ADD1: variants seen among roughly 807,000 people sequenced by gnomAD.
ADD1 encodes the protein alpha-adducin.
Under a neutral mutation model 80.5 loss-of-function variants are expected in ADD1, and 24 were observed. The ratio of observed to expected loss-of-function variants is 0.30; its 90% CI spans 0.22 to 0.42. ADD1 has a LOEUF of 0.42. Among genes scored for constraint, ADD1 ranks in the 10% least tolerant of loss-of-function variants. The probability of loss-of-function intolerance (pLI) is 1.00; values close to 1 mark genes in which losing one functional copy is unlikely to be tolerated. For synonymous variants in ADD1, 373 were observed against 393.8 expected, an observed-to-expected ratio of 0.95 and a Z score of 0.63; for missense variants, 948 against 1,019.0, an observed-to-expected ratio of 0.93 and a Z score of 0.95.
chr4:2,863,223 T>TAA (rs1729067313), intron 1 of ADD1, among the ~76,000 whole-genome samples: 1 of 141,610 alleles, frequency 7.1e-6, no homozygotes, highest in East Asian at 2.0e-4. Flanking sequence ...TTTTTAATTT[T>TAA]TTTTTTTTTT....
At chr4:2,888,395 A>G (rs1318020103) in intron 4 of ADD1, among the ~76,000 whole-genome samples, 1 of 140,000 alleles carries the variant, frequency 7.1e-6, no homozygotes, top group African/African-American at 2.7e-5. Flanking sequence ...TATTTGTAAT[A>G]ATGAAATTAT....
At chr4:2,871,117 C>T (rs933770076) in intron 1 of ADD1, among the ~76,000 whole-genome samples, 10 of 151,870 alleles carry the variant, frequency 6.6e-5, no homozygotes, top group East Asian at 5.8e-4. Context: ...TACAGGTGCG[C>T]GCCACCACAC....
Position 2,894,675 on chromosome 4 carries a change from G to T in ADD1, c.685G>T (p.Ala229Ser). Residue 229 changes from alanine (A) to serine (S), a missense_variant, in exon 6 of 16, where the codon GCT becomes TCT. Physicochemically the swap from Ala to Ser is moderately conservative, Grantham distance 99 (BLOSUM62 1). Transcript: ENST00000683351. The part of the protein sequence containing the change: ...AGFTLHSAIY[A>S]ARPDVKCVVH... ...CTTCACCTTACACTCTGCAATTTAT[G>T]CTGCACGCCCGGACGTGAAGTGCGT... The T allele has an allele frequency of 6.2e-7, 1 of 1,603,664 alleles. No homozygotes were observed. The highest frequency in any genetic ancestry group is 8.5e-7 in the Non-Finnish European group (1 of 1,177,262).
At chr4:2,854,797 T>G (rs1199037631) in intron 1 of ADD1, 2 of 152,214 alleles carry the variant, frequency 1.3e-5, no homozygotes, top group African/African-American at 2.4e-5. Flanking sequence ...TTGTGGCTCC[T>G]GTAACAAGTT....
rs1388665237 is a variant in ADD1, at chr4:2,897,540, CCTTT to C, written c.742-643_742-640del. Reference sequence around the variant, plus strand: ...CTTTAGAGCACTTGGAAAACCTCCTCCTTTTTTTTTTTTTTTTTTTTTTTTAGGA... The same window carrying C: ...CTTTAGAGCACTTGGAAAACCTCCTCTTTTTTTTTTTTTTTTTTTTTAGGA... On this transcript the variant is annotated intron_variant, in intron 6 of 15. Coordinates refer to ENST00000683351, the MANE Select transcript of ADD1 (RefSeq NM_001354761.2). Among the ~76,000 whole-genome samples the C allele has an allele frequency of 6.3e-5, 8 of 126,390 alleles. No individual in the cohort carries two copies. The South Asian group carries it at 1.9e-3, about 30-fold the overall frequency. The allele number at this position is 126,390 out of a possible 152,430, so 82.9% of individuals were successfully genotyped here.
At chr4:2,911,448 A>ATATAT (rs553567632) in intron 13 of ADD1, among the ~76,000 whole-genome samples, 4 of 130,518 alleles carry the variant, frequency 3.1e-5, no homozygotes, top group South Asian at 2.4e-4. Flanking sequence ...ATATATATAT[A>ATATAT]TTTTTTTTTT....
intron 9 of ADD1, chr4:2,902,858 C>A (rs1305158163): frequency 6.6e-6 from 1 of 151,662 alleles, no homozygotes; most frequent in Non-Finnish European, 1.5e-5. Flanking sequence ...AACTCCGTCT[C>A]TACTAAAAAT....
intron 1 of ADD1, among the ~76,000 whole-genome samples, chr4:2,852,198 C>CTTTTT (rs1491325452): frequency 3.9e-5 from 3 of 76,586 alleles, no homozygotes; most frequent in Admixed American, 1.3e-4. Flanking sequence ...TTCTTTCTTT[C>CTTTTT]CTTTCTTTCC....
intron 9 of ADD1, chr4:2,902,567 C>G (rs957932400): frequency 6.6e-6 from 1 of 151,946 alleles, no homozygotes; most frequent in East Asian, 1.9e-4. Flanking sequence ...GGTGAAACCC[C>G]TTCTCTACAA....
At chr4:2,917,882 A>G (rs567139951) in intron 14 of ADD1, among the ~76,000 whole-genome samples, 31 of 152,188 alleles carry the variant, frequency 2.0e-4, no homozygotes, top group South Asian at 4.2e-4. Context: ...GTTGGTCTCT[A>G]TATCTGTTTT....
At chr4:2,920,493 C>G (rs1739819376) in intron 14 of ADD1, among the ~76,000 whole-genome samples, 1 of 152,102 alleles carries the variant, frequency 6.6e-6, no homozygotes, top group Admixed American at 6.5e-5. Context: ...TAAGAACTTG[C>G]TTTATGAATC....
Position 2,926,273 on chromosome 4 carries a change from G to T in ADD1, c.2047+161G>T. Reference sequence around the variant, plus strand: ...TCTCCTCCTATATTGCTTCTGTCCTGGGTAACTCCAGGCAAAACAGATTTG... The same window carrying T: ...TCTCCTCCTATATTGCTTCTGTCCTTGGTAACTCCAGGCAAAACAGATTTG... On this transcript the variant is annotated intron_variant, in intron 15 of 15. Coordinates refer to ENST00000683351, the MANE Select transcript of ADD1 (RefSeq NM_001354761.2). The surrounding 1 kb of genome is among the most constrained non-coding windows in gnomAD (Gnocchi z 5.0). 1.3e-6 allele frequency: 1 copy of T among 762,634 alleles called. No homozygotes were observed. Among genetic ancestry groups the T allele is most frequent in the South Asian group, 1.5e-5 (1 of 67,980 alleles). 47.2% of individuals were successfully genotyped at this position (762,634 alleles called of 1,614,324 possible).
chr4:2,860,050 T>G (rs1014172685), intron 1 of ADD1, among the ~76,000 whole-genome samples: 2 of 152,178 alleles, frequency 1.3e-5, no homozygotes, highest in African/African-American at 4.8e-5. Flanking sequence ...TTTTCTATAC[T>G]GATGTGTCTG....
chr4:2,904,556 C>T (rs974465966), intron 9 of ADD1: 54 of 591,694 alleles, frequency 9.1e-5, no homozygotes, highest in Non-Finnish European at 1.3e-4. Flanking sequence ...TTGTGGTTTA[C>T]GAGGAGTAGG....
chr4:2,848,563 G>A (rs528634200), intron 1 of ADD1, among the ~76,000 whole-genome samples: 38 of 152,058 alleles, frequency 2.5e-4, no homozygotes, highest in African/African-American at 8.7e-4. Flanking sequence ...TGAACTCCTG[G>A]GCTTAAGCCA....
chr4:2,884,947 G>T (rs1342377401), intron 4 of ADD1, among the ~76,000 whole-genome samples: 2 of 152,174 alleles, frequency 1.3e-5, no homozygotes, highest in Non-Finnish European at 2.9e-5. Flanking sequence ...TTATTTTTAT[G>T]CTTAAAAACC....
chr4:2,896,156 G>A (rs957365896), intron 6 of ADD1, among the ~76,000 whole-genome samples: 1 of 151,964 alleles, frequency 6.6e-6, no homozygotes, highest in Admixed American at 6.6e-5. Flanking sequence ...CAAAGTGCTG[G>A]GATTACAGGT....
At chr4:2,871,906 C>T (rs997507971) in intron 1 of ADD1, among the ~76,000 whole-genome samples, 3 of 152,114 alleles carry the variant, frequency 2.0e-5, no homozygotes, top group Non-Finnish European at 2.9e-5. Flanking sequence ...TTTTATTTTA[C>T]AGTTTGTTTC....
chr4:2,923,286 T>G (rs958192830), intron 14 of ADD1, among the ~76,000 whole-genome samples: 1 of 152,246 alleles, frequency 6.6e-6, no homozygotes, highest in African/African-American at 2.4e-5. Flanking sequence ...CAAGGGAATT[T>G]CCTGGTCTGT....
Sources: allele counts gnomAD v4.1 joint callset (sites outside exome capture counted in the v4.1 genomes callset), GRCh38; gene constraint gnomAD v4.1.1; non-coding constraint Gnocchi (gnomAD v3.1); transcripts MANE v1.5; gene names NCBI Gene and HGNC (gene_info 2026-07-23, HGNC 2026-07-21).